The following CFAP61 variants were observed in gnomAD, a reference collection of about 807,000 sequenced individuals.
CFAP61 encodes the protein cilia and flagella associated protein 61, also known as cilia- and flagella-associated protein 61.
CFAP61 carries 107 observed loss-of-function variants against 135.6 expected under a neutral mutation model. The observed-to-expected ratio is 0.79, with a 90% CI of 0.67 to 0.93. The LOEUF is 0.93. Ranked by LOEUF, CFAP61 falls within the 40% of genes least tolerant of loss-of-function variation. CFAP61 has a pLI of 0.00. For synonymous variants in CFAP61, 575 were observed against 578.5 expected (o/e 0.99, Z 0.09); for missense variants, 1,507 against 1,556.2 (o/e 0.97, Z 0.53).
chr20:20,283,647 T>C (rs1200048047), intron 22 of CFAP61, among the ~76,000 whole-genome samples: 4 of 152,246 alleles, frequency 2.6e-5, no homozygotes, highest in African/African-American at 9.6e-5. Context: ...GGCTGCATTC[T>C]ATCTGGAGCT....
rs181281582 is a variant in CFAP61, at chr20:20,247,906, C to T, written c.2159+1691C>T. ...CCAACACCCCAACACACTCCAGTCC[C>T]TCATACTCTGCTCTGTTTTTTTCTT... On this transcript the variant is annotated intron_variant, in intron 19 of 26. Transcript: ENST00000245957. Among the ~76,000 whole-genome samples the T allele has an allele frequency of 1.1e-3, 165 of 152,308 alleles. 1 individual carries two copies. Among genetic ancestry groups the T allele is most frequent in the Admixed American group, 9.8e-3 (150 of 15,308 alleles).
intron 13 of CFAP61, among the ~76,000 whole-genome samples, chr20:20,177,150 A>G (rs539511266): frequency 1.3e-5 from 2 of 152,148 alleles, no homozygotes; most frequent in South Asian, 2.1e-4. Context: ...ACAGTTTTAC[A>G]TATTTTTTTT....
intron 24 of CFAP61, among the ~76,000 whole-genome samples, chr20:20,296,217 A>C (rs1257519690): frequency 1.0e-3 from 34 of 33,892 alleles, no homozygotes; most frequent in South Asian, 3.0e-3. Flanking sequence ...TCCTCCCTTC[A>C]TCCCTTCCTT....
At chr20:20,129,005 T>TGTTATAACTATTATTATAATA (rs897200285) in intron 8 of CFAP61, among the ~76,000 whole-genome samples, 2 of 151,588 alleles carry the variant, frequency 1.3e-5, no homozygotes. Flanking sequence ...TTATTATAAT[T>TGTTATAACTATTATTATAATA]GTTATAACTA....
At chr20:20,207,056 A>G (rs993214498) in intron 17 of CFAP61, among the ~76,000 whole-genome samples, 1 of 152,174 alleles carries the variant, frequency 6.6e-6, no homozygotes, top group Non-Finnish European at 1.5e-5. Flanking sequence ...TACACTGGTA[A>G]TACTGTTTCA....
intron 10 of CFAP61, among the ~76,000 whole-genome samples, chr20:20,162,933 T>G (rs963656455): frequency 6.6e-6 from 1 of 152,152 alleles, no homozygotes; most frequent in African/African-American, 2.4e-5. Flanking sequence ...TCCTGGGGGA[T>G]AAGATGTGGG....
At chr20:20,094,463 T>C (rs980433731) in intron 7 of CFAP61, 3 of 152,264 alleles carry the variant, frequency 2.0e-5, no homozygotes, top group African/African-American at 7.2e-5. Flanking sequence ...GGAAGGCTTT[T>C]AATTATTTGG....
chr20:20,290,472 C>A, intron 24 of CFAP61, 81 bp downstream of exon 24: 1 of 937,650 alleles, frequency 1.1e-6, no homozygotes. Flanking sequence ...TACTTGGAGT[C>A]TTTACTGTAA....
At chr20:20,188,415 T>C (rs796453350) in intron 14 of CFAP61, among the ~76,000 whole-genome samples, 1 of 152,286 alleles carries the variant, frequency 6.6e-6, no homozygotes, top group African/African-American at 2.4e-5. Flanking sequence ...TCCATGGGTA[T>C]CTGGTGCCCA....
rs114469942 is a variant in CFAP61 at position 20,129,374 on chromosome 20, A to G, written c.860-13483A>G. On this transcript the variant is annotated intron_variant, in intron 8 of 26. Transcript: ENST00000245957. ...CAAAGGAAGTTTTTTAATTTCAGCA[A>G]TTTTGAAAATGTCATCTCACTCCCA... Among the ~76,000 whole-genome samples the G allele has an allele frequency of 1.6e-4, 24 of 151,908 alleles. 2 individuals carry two copies. Among genetic ancestry groups the G allele is most frequent in the African/African-American group, 5.6e-4 (23 of 41,220 alleles).
At chr20:20,146,897 A>G (rs1730950025) in intron 9 of CFAP61, among the ~76,000 whole-genome samples, 1 of 152,160 alleles carries the variant, frequency 6.6e-6, no homozygotes, top group Admixed American at 6.5e-5. Context: ...GCAGTCTTTT[A>G]TCCCTCACCC....
chr20:20,099,829 T>C (rs1478420471), intron 8 of CFAP61, among the ~76,000 whole-genome samples: 1 of 152,164 alleles, frequency 6.6e-6, no homozygotes, highest in East Asian at 1.9e-4. Flanking sequence ...GACTTGCCAA[T>C]CTAGACAACA....
At chr20:20,151,198 C>T (rs115397662) in intron 9 of CFAP61, among the ~76,000 whole-genome samples, 1,657 of 151,742 alleles carry the variant, frequency 0.011, 31 homozygotes, top group African/African-American at 0.038. Context: ...AAATAGATGT[C>T]ATAAAGAAAG....
chr20:20,215,866 T>C (rs2048012137), intron 17 of CFAP61, among the ~76,000 whole-genome samples: 1 of 152,150 alleles, frequency 6.6e-6, no homozygotes, highest in Admixed American at 6.5e-5. Flanking sequence ...CTTCATATTC[T>C]GTACTGAACC....
intron 15 of CFAP61, among the ~76,000 whole-genome samples, chr20:20,191,761 T>C (rs959675993): frequency 6.6e-6 from 1 of 151,784 alleles, no homozygotes; most frequent in Admixed American, 6.6e-5. Flanking sequence ...CTTCCAGCAT[T>C]CTTCTTTGCA....
chr20:20,323,236 G>C, intron 25 of CFAP61: 4 of 985,460 alleles, frequency 4.1e-6, no homozygotes, highest in African/African-American at 1.7e-5. Context: ...GAAAGGCACT[G>C]GAGAAGTTAT....
At chr20:20,227,884 C>T (rs569013065) in intron 17 of CFAP61, among the ~76,000 whole-genome samples, 1 of 152,278 alleles carries the variant, frequency 6.6e-6, no homozygotes, top group East Asian at 1.9e-4. Flanking sequence ...AGACTTGGGA[C>T]CTTTCATGGA....
intron 2 of CFAP61, among the ~76,000 whole-genome samples, chr20:20,059,973 G>T (rs1036112577): frequency 6.6e-6 from 1 of 152,124 alleles, no homozygotes; most frequent in Non-Finnish European, 1.5e-5. Context: ...GGAAAACTCA[G>T]TGGATCCCAA....
At chr20:20,088,310 A>G (rs2046947622) in intron 6 of CFAP61, among the ~76,000 whole-genome samples, 1 of 152,172 alleles carries the variant, frequency 6.6e-6, no homozygotes, top group African/African-American at 2.4e-5. Context: ...TCACACTACT[A>G]TAAGGACATA....
Sources: allele counts gnomAD v4.1 joint callset (sites outside exome capture counted in the v4.1 genomes callset), GRCh38; gene constraint gnomAD v4.1.1; transcripts MANE v1.5; gene names NCBI Gene and HGNC (gene_info 2026-07-23, HGNC 2026-07-21).